PRDX3: variants seen among roughly 807,000 people sequenced by gnomAD.
PRDX3 encodes thioredoxin-dependent peroxide reductase, mitochondrial.
A neutral mutation model predicts 30.4 loss-of-function variants in PRDX3; 20 were observed. That is an observed-to-expected ratio of 0.66 (90% CI 0.46 to 0.96). The LOEUF (loss-of-function observed/expected upper bound fraction) is 0.96. PRDX3 is among the 40% of genes least tolerant of loss of function. The pLI is 0.00. For synonymous variants in PRDX3, 124 were observed against 117.8 expected, an observed-to-expected ratio of 1.05 and a Z score of -0.34; for missense variants, 322 against 318.3, an observed-to-expected ratio of 1.01 and a Z score of -0.09.
Position 119,168,325 on chromosome 10 carries a change from C to T in PRDX3, c.*155G>A, listed in dbSNP as rs17098493. ...CTAACCATGTTTAAAAGGTCTTAGC[C>T]AGAATTACAAAAACAAAACATTTAG... On this transcript the variant is annotated 3_prime_UTR_variant, in exon 7 of 7. Transcript: ENST00000298510. The T allele has an allele frequency of 2.1e-6, 3 of 1,442,478 alleles. No homozygotes were observed. The highest frequency in any genetic ancestry group is 1.8e-6 in the Non-Finnish European group (2 of 1,095,004). The allele number at this position is 1,442,478 out of a possible 1,614,324, so 89.4% of individuals were successfully genotyped here. A position where few individuals can be genotyped will look rare whatever the true frequency, so the allele number is the denominator to read the frequency against.
At chr10:119,178,305 T>C (rs999047989) in intron 1 of PRDX3, among the ~76,000 whole-genome samples, 2 of 151,324 alleles carry the variant, frequency 1.3e-5, no homozygotes, top group Admixed American at 6.6e-5. Flanking sequence ...CACGCGGGAG[T>C]GGGATTGGGA....
intron 2 of PRDX3, among the ~76,000 whole-genome samples, chr10:119,176,027 G>A (rs147412520): frequency 1.4e-3 from 213 of 151,906 alleles, no homozygotes; most frequent in African/African-American, 4.9e-3. Flanking sequence ...CAAGTAATTC[G>A]CCTGCCTTGG....
intron 5 of PRDX3, among the ~76,000 whole-genome samples, chr10:119,171,509 C>T (rs1174546866): frequency 6.6e-6 from 1 of 152,190 alleles, no homozygotes; most frequent in Non-Finnish European, 1.5e-5. Context: ...GTTCTCATCC[C>T]TCCCAGGAAG....
At chr10:119,170,545 T>C (rs1210161942) in intron 5 of PRDX3, 1 of 151,770 alleles carries the variant, frequency 6.6e-6, no homozygotes, top group African/African-American at 2.4e-5. Context: ...CTCTGGCCAT[T>C]GACAATTCTG....
At chr10:119,172,331 T>C (rs745425734) in intron 5 of PRDX3, 51 bp downstream of exon 5, 41 of 1,432,660 alleles carry the variant, frequency 2.9e-5, no homozygotes, top group Non-Finnish European at 2.3e-5. Flanking sequence ...AGAAGCAGAA[T>C]GATACTAAAC....
Position 119,169,191 on chromosome 10 carries a change from G to A in PRDX3, c.703C>T (p.Pro235Ser). 7 of 1,612,370 alleles carry A rather than the reference G, an allele frequency of 4.3e-6. No individual in the cohort carries two copies. The highest frequency in any genetic ancestry group is 5.1e-6 in the Non-Finnish European group (6 of 1,180,006). The change falls in exon 6 of 7, where the codon CCG becomes TCG. Residue 235 changes from proline to serine, a missense_variant. Coordinates refer to ENST00000298510, the MANE Select transcript of PRDX3 (RefSeq NM_006793.5). ...AAAAAACCTACCGTAGGAGAATCCG[G>A]TGTCCAGTTCGCTGGGCAGACTTCT... is the stretch of plus-strand genomic sequence containing the variant. The part of the protein sequence containing the change: ...HGEVCPANWT[P>S]DSPTIKPSPA...
chr10:119,173,031 T>C (rs1467972035), intron 4 of PRDX3, among the ~76,000 whole-genome samples: 3 of 152,242 alleles, frequency 2.0e-5, no homozygotes, highest in African/African-American at 4.8e-5. Flanking sequence ...CACCGCCTCC[T>C]GGGTTCAAGC....
rs1399330255 is a variant in PRDX3, at chr10:119,168,595, G to A, written c.718-62C>T. ...TTACCATAATAATAGTCCCAAAAGT[G>A]AGTGGCAATCTCCCAATTTTTAACC... On this transcript the variant is annotated intron_variant, in intron 6 of 6. Coordinates refer to ENST00000298510, the MANE Select transcript of PRDX3 (RefSeq NM_006793.5). The A allele has an allele frequency of 7.6e-6, 12 of 1,585,396 alleles. 1 individual carries two copies. In the South Asian group the frequency reaches 1.4e-4, roughly 18 times the overall value.
chr10:119,168,949 G>A (rs1212962798), intron 6 of PRDX3, among the ~76,000 whole-genome samples: 1 of 145,678 alleles, frequency 6.9e-6, no homozygotes, highest in Admixed American at 7.0e-5. Flanking sequence ...CTCCAGCCTG[G>A]GCGAGAGCAA....
Position 119,169,310 on chromosome 10 carries a change from A to T in PRDX3, c.584T>A (p.Ile195Asn). The T allele has an allele frequency of 1.2e-6, 2 of 1,614,098 alleles. No homozygotes were observed. Among genetic ancestry groups the T allele is most frequent in the Non-Finnish European group, 1.7e-6 (2 of 1,180,014 alleles). Residue 195 changes from isoleucine to asparagine, a missense_variant, in exon 6 of 7, where the codon ATC becomes AAC. Physicochemically the swap from Ile to Asn is moderately radical, Grantham distance 149. Transcript: ENST00000298510. Reference sequence around the variant, plus strand: ...GAGATCGTTGACGCTCAAATGCTTGATGACTCCATTGGGGTCAATTATGAA... The same window carrying T: ...GAGATCGTTGACGCTCAAATGCTTGTTGACTCCATTGGGGTCAATTATGAA... ...GLFIIDPNGV[I>N]KHLSVNDLPV...
chr10:119,169,460 TA>T, intron 5 of PRDX3, 118 bp from the exon 6 acceptor site: 1 of 901,330 alleles, frequency 1.1e-6, no homozygotes, highest in Non-Finnish European at 1.6e-6. Context: ...AGCGTAATCA[TA>T]TGCTTAAAGG....
chr10:119,171,903 G>A (rs1847916568), intron 5 of PRDX3, among the ~76,000 whole-genome samples: 1 of 152,202 alleles, frequency 6.6e-6, no homozygotes, highest in African/African-American at 2.4e-5. Context: ...CTTCTGCAGA[G>A]TCTGATGGCT....
rs1440694942 is a variant in PRDX3 at position 119,169,160 on chromosome 10, T to TG, written c.717+16dup. ...GAGAGAACATGGACCTCACTGCTTT[T>TG]GGGGAAAAAAACCTACCGTAGGAGA... is the stretch of plus-strand genomic sequence containing the variant. On this transcript the variant is annotated intron_variant, in intron 6 of 6. Coordinates refer to ENST00000298510, the MANE Select transcript of PRDX3 (RefSeq NM_006793.5). The TG allele has an allele frequency of 6.2e-7, 1 of 1,610,540 alleles. No homozygotes were observed. The highest frequency in any genetic ancestry group is 8.5e-7 in the Non-Finnish European group (1 of 1,178,796).
In PRDX3 at chr10:119,167,918, G is replaced by A. The variant is rs1383160557; in HGVS notation, c.*562C>T. On this transcript the variant is annotated 3_prime_UTR_variant, in exon 7 of 7. Transcript: ENST00000298510. ...AATGACTACATAAACTCAATTTCAG[G>A]GATGAGGGATCATGCATGATCAGTT... 1 of 152,094 alleles carries A rather than the reference G, an allele frequency of 6.6e-6. No individual in the cohort carries two copies. The highest frequency in any genetic ancestry group is 1.5e-5 in the Non-Finnish European group (1 of 68,066). 9.4% of individuals were successfully genotyped at this position (152,094 alleles called of 1,614,324 possible).
intron 4 of PRDX3, among the ~76,000 whole-genome samples, chr10:119,173,375 C>A (rs1847955145): frequency 6.6e-6 from 1 of 152,054 alleles, no homozygotes; most frequent in Non-Finnish European, 1.5e-5. Context: ...TTTGGGAGGC[C>A]AAGGTGGGCG....
At chr10:119,174,654 TATTTA>T in intron 2 of PRDX3, 62 bp from the exon 3 acceptor site, 1 of 1,437,722 alleles carries the variant, frequency 7.0e-7, no homozygotes, top group African/African-American at 1.4e-5. Context: ...CCTATGATTT[TATTTA>T]AACTTCTCAT....
rs749262227 is a variant in PRDX3, at chr10:119,174,437, GAAA to G, written c.311+11_311+13del. 3 of 1,589,844 alleles carry G rather than the reference GAAA, an allele frequency of 1.9e-6. No homozygotes were observed. Among genetic ancestry groups the G allele is most frequent in the Non-Finnish European group, 2.6e-6 (3 of 1,172,394 alleles). The stretch of plus-strand genomic sequence containing the variant: ...CTCAGAATGACACGAAAGCATCATA[GAAA>G]TTACACTTACAAATCCAAAGGATAG... On this transcript the variant is annotated intron_variant, in intron 3 of 6. Transcript: ENST00000298510.
rs566089553 is a variant in PRDX3 at position 119,168,699 on chromosome 10, C to T, written c.718-166G>A. ...CATTAAGGCCTGCCTGTCTCTAGGC[C>T]GGGCACGGTGGCTCACGCCGGTAAT... On this transcript the variant is annotated intron_variant, in intron 6 of 6. Coordinates refer to ENST00000298510, the MANE Select transcript of PRDX3 (RefSeq NM_006793.5). Among the ~76,000 whole-genome samples the T allele has an allele frequency of 1.1e-4, 17 of 150,566 alleles. No individual in the cohort carries two copies. In the East Asian group the frequency reaches 1.2e-3, roughly 11 times the overall value.
chr10:119,168,599 G>A (rs1589658838), intron 6 of PRDX3, 66 bp from the exon 7 acceptor site: 2 of 1,579,294 alleles, frequency 1.3e-6, no homozygotes, highest in East Asian at 4.5e-5. Context: ...AAAAGTGAGT[G>A]GCAATCTCCC....
Sources: gnomAD v4.1 joint callset for allele counts (sites outside exome capture counted in the v4.1 genomes callset) on GRCh38, gnomAD v4.1.1 for gene constraint, MANE v1.5 for transcripts, NCBI Gene and HGNC (gene_info 2026-07-23, HGNC 2026-07-21) for gene names.